Variants in MICU1 observed in about 807,000 individuals in gnomAD.
MICU1 encodes calcium uptake protein 1, mitochondrial.
MICU1 carries 45 observed loss-of-function variants against 56.8 expected under a neutral mutation model. The observed-to-expected ratio is 0.79, with a 90% confidence interval of 0.62 to 1.02. MICU1 has a LOEUF of 1.02. Ranked by LOEUF, MICU1 falls within the 50% of genes least tolerant of loss-of-function variation. The pLI is 0.00. For synonymous variants in MICU1, 186 were observed against 195.1 expected (o/e 0.95, Z 0.39); for missense variants, 504 against 587.1 (o/e 0.86, Z 1.46).
intron 6 of MICU1, among the ~76,000 whole-genome samples, chr10:72,498,371 A>G (rs1866917361): frequency 6.6e-6 from 1 of 152,172 alleles, no homozygotes; most frequent in African/African-American, 2.4e-5. Context: ...GGATCACCTG[A>G]GGTCAGGAGG....
intron 6 of MICU1, among the ~76,000 whole-genome samples, chr10:72,484,351 G>A (rs991199919): frequency 6.6e-6 from 1 of 151,254 alleles, no homozygotes; most frequent in Admixed American, 6.6e-5. Flanking sequence ...TCTTAGCTCT[G>A]CTCCTTTAAC....
At chr10:72,368,433 C>T in intron 11 of MICU1, 78 bp from the exon 12 acceptor site, 1 of 1,497,236 alleles carries the variant, frequency 6.7e-7, no homozygotes. Context: ...ATTGTCCACA[C>T]AAAGTGGATT....
At chr10:72,402,092 A>C (rs914859006) in intron 10 of MICU1, among the ~76,000 whole-genome samples, 1 of 152,150 alleles carries the variant, frequency 6.6e-6, no homozygotes, top group African/African-American at 2.4e-5. Flanking sequence ...AGGGATGAAG[A>C]ATGTCTATCA....
At chr10:72,508,382 C>T in intron 5 of MICU1, 113 bp from the exon 6 acceptor site, 4 of 450,062 alleles carry the variant, frequency 8.9e-6, no homozygotes, top group Non-Finnish European at 1.6e-5. Flanking sequence ...TTATCATAAG[C>T]ATTTCTCTCA....
intron 7 of MICU1, 47 bp downstream of exon 7, chr10:72,477,121 AAAATGT>A (rs1188449229): frequency 7.3e-7 from 1 of 1,375,178 alleles, no homozygotes; most frequent in Non-Finnish European, 9.9e-7. Flanking sequence ...AAGGCACATG[AAAATGT>A]ATTTTAAATA....
At chr10:72,442,786 C>T (rs984208198) in intron 8 of MICU1, among the ~76,000 whole-genome samples, 2 of 152,142 alleles carry the variant, frequency 1.3e-5, no homozygotes, top group Non-Finnish European at 2.9e-5. Context: ...GAGACGGAGT[C>T]TTGCTCTGTC....
At chr10:72,500,300 ATATTTTTTTTTTTTTTTT>A (rs1867021247) in intron 6 of MICU1, among the ~76,000 whole-genome samples, 1 of 6,052 alleles carries the variant, frequency 1.7e-4, no homozygotes, top group Admixed American at 3.1e-3. Flanking sequence ...ATATATATAT[ATATTTTTTTTTTTTTTTT>A]TTTTTTTTTT....
At chr10:72,579,300 GT>G (rs1664209297) in intron 1 of MICU1, among the ~76,000 whole-genome samples, 1 of 152,174 alleles carries the variant, frequency 6.6e-6, no homozygotes, top group Non-Finnish European at 1.5e-5. Context: ...CAGATTCTGT[GT>G]CTAGTAAGGG....
chr10:72,558,548 A>C (rs935588934), intron 3 of MICU1, among the ~76,000 whole-genome samples: 1 of 152,306 alleles, frequency 6.6e-6, no homozygotes, highest in Admixed American at 6.5e-5. Flanking sequence ...AAGGAGGGTA[A>C]AGTTTTAGTA....
chr10:72,576,089 C>T (rs970912426), intron 1 of MICU1, among the ~76,000 whole-genome samples: 8 of 151,934 alleles, frequency 5.3e-5, no homozygotes, highest in African/African-American at 1.9e-4. Context: ...TGGTGGGAGC[C>T]TGTAATCCCA....
intron 8 of MICU1, among the ~76,000 whole-genome samples, chr10:72,427,306 G>A (rs1036068529): frequency 2.0e-5 from 3 of 152,256 alleles, no homozygotes; most frequent in Non-Finnish European, 2.9e-5. Context: ...GTTCCCATCC[G>A]TCCCTTGTCG....
chr10:72,616,323 A>G (rs1490125732), intron 1 of MICU1, among the ~76,000 whole-genome samples: 1 of 152,150 alleles, frequency 6.6e-6, no homozygotes, highest in Non-Finnish European at 1.5e-5. Flanking sequence ...CTTGCTTTTA[A>G]GCTTTGTCAG....
At chr10:72,563,105 C>T in intron 2 of MICU1, 42 bp from the exon 3 acceptor site, 1 of 1,411,258 alleles carries the variant, frequency 7.1e-7, no homozygotes, top group Non-Finnish European at 9.3e-7. Context: ...CTTGAACGTC[C>T]ATCATACTAG....
chr10:72,558,231 A>T (rs1840207673), intron 3 of MICU1, among the ~76,000 whole-genome samples: 1 of 152,240 alleles, frequency 6.6e-6, no homozygotes, highest in Non-Finnish European at 1.5e-5. Context: ...CTGGTTTTTG[A>T]GCCTGTGCTC....
chr10:72,437,258 AAAGAAT>A (rs1315248288), intron 8 of MICU1, among the ~76,000 whole-genome samples: 1 of 151,854 alleles, frequency 6.6e-6, no homozygotes. Context: ...TTCTTAAAGA[AAAGAAT>A]TTAACCCAGA....
intron 1 of MICU1, among the ~76,000 whole-genome samples, chr10:72,623,194 C>T (rs954957253): frequency 2.7e-5 from 4 of 149,376 alleles, no homozygotes; most frequent in African/African-American, 4.9e-5. Flanking sequence ...TCACTTGAAC[C>T]CCGGAGGCAG....
At chr10:72,439,084 A>T (rs2132176541) in intron 8 of MICU1, among the ~76,000 whole-genome samples, 1 of 152,358 alleles carries the variant, frequency 6.6e-6, no homozygotes, top group African/African-American at 2.4e-5. Context: ...AAAGCCTGGC[A>T]GAGACACAAC....
chr10:72,555,006 C>T (rs182341272), intron 3 of MICU1, among the ~76,000 whole-genome samples: 1 of 152,100 alleles, frequency 6.6e-6, no homozygotes, highest in Non-Finnish European at 1.5e-5. Flanking sequence ...TAGAGAGAGA[C>T]TCTATCTCAA....
At chr10:72,428,870 T>G (rs1864434807) in intron 8 of MICU1, among the ~76,000 whole-genome samples, 1 of 152,234 alleles carries the variant, frequency 6.6e-6, no homozygotes, top group Admixed American at 6.5e-5. Flanking sequence ...ATATGTTTTG[T>G]TTTCATTCCA....
Sources: allele counts gnomAD v4.1 joint callset (sites outside exome capture counted in the v4.1 genomes callset), GRCh38; gene constraint gnomAD v4.1.1; transcripts MANE v1.5; gene names NCBI Gene and HGNC (gene_info 2026-07-23, HGNC 2026-07-21).